PDE10A: variants seen among roughly 807,000 people sequenced by gnomAD.
PDE10A encodes phosphodiesterase 10A.
A neutral mutation model predicts 97.7 loss-of-function variants in PDE10A; 39 were observed. That is an observed-to-expected ratio of 0.40 (90% CI 0.31 to 0.52). The LOEUF (loss-of-function observed/expected upper bound fraction) is 0.52. PDE10A is among the 20% of genes least tolerant of loss of function. The pLI is 0.56. For missense variants in PDE10A, 731 were observed against 1,047.8 expected (o/e 0.70, Z 4.17); for synonymous variants, 371 against 376.8 (o/e 0.98, Z 0.18).
intron 13 of PDE10A, among the ~76,000 whole-genome samples, chr6:165,408,485 G>A (rs1175053047): frequency 6.6e-6 from 1 of 152,110 alleles, no homozygotes; most frequent in Admixed American, 6.5e-5. Context: ...TTTGGGTCTT[G>A]GTCATTGGCA....
At chr6:165,854,531 T>G (rs1432165613) in intron 1 of PDE10A, among the ~76,000 whole-genome samples, 3 of 152,062 alleles carry the variant, frequency 2.0e-5, no homozygotes, top group Non-Finnish European at 4.4e-5. Flanking sequence ...AGGGGCGGCC[T>G]CAAGGAGCGC....
intron 17 of PDE10A, among the ~76,000 whole-genome samples, chr6:165,381,992 GA>G (rs1195455094): frequency 6.6e-6 from 1 of 152,056 alleles, no homozygotes; most frequent in Non-Finnish European, 1.5e-5. Flanking sequence ...TACATAGTTT[GA>G]AGTCTATGTT....
At chr6:165,408,941 G>A (rs955376218) in intron 13 of PDE10A, among the ~76,000 whole-genome samples, 3 of 151,736 alleles carry the variant, frequency 2.0e-5, no homozygotes, top group Non-Finnish European at 2.9e-5. Context: ...CGAGGCGGGC[G>A]GATCACGAGG....
chr6:165,829,572 TA>T (rs1335210924), intron 1 of PDE10A, among the ~76,000 whole-genome samples: 1 of 152,160 alleles, frequency 6.6e-6, no homozygotes, highest in Non-Finnish European at 1.5e-5. Context: ...ATGTGGTGCC[TA>T]AAGTGCAGCA....
At chr6:165,565,688 G>A (rs545379) in intron 1 of PDE10A, among the ~76,000 whole-genome samples, 146,838 of 152,258 alleles carry the variant, frequency 0.96, 71,047 homozygotes, top group East Asian at 1. Flanking sequence ...CATACAATAA[G>A]GCTACAATAA....
intron 1 of PDE10A, among the ~76,000 whole-genome samples, chr6:165,887,892 T>C (rs1781671054): frequency 6.6e-6 from 1 of 152,202 alleles, no homozygotes; most frequent in Non-Finnish European, 1.5e-5. Context: ...TTACAAGCAG[T>C]GGAAAAGACA....
At chr6:165,973,690 C>T (rs1025715687) in intron 1 of PDE10A, among the ~76,000 whole-genome samples, 25 of 152,192 alleles carry the variant, frequency 1.6e-4, no homozygotes, top group African/African-American at 5.8e-4. Context: ...CCGCGTGGGC[C>T]CCAGACTGGC....
At chr6:165,826,229 C>T (rs1360935589) in intron 1 of PDE10A, among the ~76,000 whole-genome samples, 1 of 152,148 alleles carries the variant, frequency 6.6e-6, no homozygotes, top group Middle Eastern at 3.2e-3. Context: ...GTGACCTGGG[C>T]CCATAATTGA....
At position 165,440,057 on chromosome 6, in the gene PDE10A, GA is replaced by G. The variant is rs199891521; in HGVS notation, c.1195-4681del. On this transcript the variant is annotated intron_variant, in intron 5 of 21. Coordinates refer to ENST00000539869, the MANE Select transcript of PDE10A (RefSeq NM_001385079.1). ...AAATTTTGGAAACACTTCTTAAGAA[GA>G]AAAAAAAAGTATTTAGGTTTACCAA... Among the ~76,000 whole-genome samples the G allele has an allele frequency of 1.2e-4, 18 of 150,688 alleles. No homozygotes were observed. In the East Asian group the frequency reaches 2.9e-3, roughly 25 times the overall value.
chr6:165,862,676 CT>C (rs200141487), intron 1 of PDE10A, among the ~76,000 whole-genome samples: 135 of 140,826 alleles, frequency 9.6e-4, no homozygotes, highest in Middle Eastern at 3.8e-3. Context: ...AGCAGTCGTC[CT>C]TTTTTTTTTT....
intron 1 of PDE10A, among the ~76,000 whole-genome samples, chr6:165,793,410 T>C (rs551188397): frequency 3.3e-5 from 5 of 152,062 alleles, no homozygotes; most frequent in Admixed American, 6.5e-5. Context: ...GCAGAAGTTG[T>C]TTTGCCAAGC....
chr6:165,452,549 T>A (rs1343626601), intron 3 of PDE10A, among the ~76,000 whole-genome samples: 1 of 152,200 alleles, frequency 6.6e-6, no homozygotes, highest in East Asian at 1.9e-4. Context: ...CTCTCTCTTG[T>A]ACATTCTCTC....
At chr6:165,831,909 C>T (rs1467883013) in intron 1 of PDE10A, among the ~76,000 whole-genome samples, 1 of 152,134 alleles carries the variant, frequency 6.6e-6, no homozygotes, top group Non-Finnish European at 1.5e-5. Context: ...CTCCCCCTTA[C>T]GTCTTCTACT....
chr6:165,618,728 G>A (rs1323706798), intron 1 of PDE10A, among the ~76,000 whole-genome samples: 2 of 152,206 alleles, frequency 1.3e-5, no homozygotes, highest in African/African-American at 4.8e-5. Context: ...CCAGAAAGGG[G>A]TGATTTGTAC....
chr6:165,691,203 CCACACACACACA>C (rs1241239698), intron 1 of PDE10A, among the ~76,000 whole-genome samples: 1 of 108,598 alleles, frequency 9.2e-6, no homozygotes, highest in Non-Finnish European at 1.7e-5. Context: ...CTCTCTCTCC[CCACACACACACA>C]CACACACACA....
chr6:165,507,711 AC>A (rs1781279788), intron 2 of PDE10A, among the ~76,000 whole-genome samples: 1 of 151,536 alleles, frequency 6.6e-6, no homozygotes. Context: ...TTAACTACAC[AC>A]CTCTTGGGAA....
intron 1 of PDE10A, among the ~76,000 whole-genome samples, chr6:165,700,201 G>A (rs1473325132): frequency 6.6e-6 from 1 of 152,120 alleles, no homozygotes; most frequent in Non-Finnish European, 1.5e-5. Flanking sequence ...CCAGTCACAA[G>A]AGACCACATA....
chr6:165,583,329 C>T (rs1785721231), intron 1 of PDE10A, among the ~76,000 whole-genome samples: 1 of 152,174 alleles, frequency 6.6e-6, no homozygotes, highest in African/African-American at 2.4e-5. Flanking sequence ...TTCAGTCTTA[C>T]TGCTTCTCCA....
intron 1 of PDE10A, among the ~76,000 whole-genome samples, chr6:165,897,539 T>C (rs1468737744): frequency 6.6e-6 from 1 of 151,144 alleles, no homozygotes; most frequent in East Asian, 1.9e-4. Context: ...TGCTGAGGGG[T>C]GAGGATTGGA....
Sources: allele counts gnomAD v4.1 joint callset (sites outside exome capture counted in the v4.1 genomes callset), GRCh38; gene constraint gnomAD v4.1.1; transcripts MANE v1.5; gene names NCBI Gene and HGNC (gene_info 2026-07-23, HGNC 2026-07-21).